PCDH11X: variants seen among roughly 807,000 people sequenced by gnomAD.
PCDH11X encodes the protein protocadherin 11 X-linked.
A neutral mutation model predicts 53.3 loss-of-function variants in PCDH11X; 18 were observed. That is an observed-to-expected ratio of 0.34 (90% CI 0.23 to 0.50). PCDH11X has a LOEUF of 0.50. Ranked by LOEUF, PCDH11X falls within the 20% of genes least tolerant of loss-of-function variation. The pLI, the probability that PCDH11X is intolerant of heterozygous loss-of-function variation, is 0.98. For synonymous variants in PCDH11X, 279 were observed against 393.3 expected (o/e 0.71, Z 3.44); for missense variants, 570 against 1,032.4 (o/e 0.55, Z 6.14).
At chrX:92,160,846 G>T (rs1355500583) in intron 6 of PCDH11X, among the ~76,000 whole-genome samples, 4 of 109,402 alleles carry the variant, frequency 3.7e-5, no homozygotes, top group East Asian at 2.9e-4. Context: ...ATTATTTTTT[G>T]ATTTTTTAAT....
At chrX:91,969,658 C>T (rs771100715) in intron 6 of PCDH11X, among the ~76,000 whole-genome samples, 4 of 108,105 alleles carry the variant, frequency 3.7e-5, no homozygotes, top group Non-Finnish European at 5.7e-5. Context: ...ATTACCAGGG[C>T]GTGGTGGTAT....
At chrX:91,930,317 T>A (rs1942083908) in intron 6 of PCDH11X, among the ~76,000 whole-genome samples, 1 of 109,380 alleles carries the variant, frequency 9.1e-6, no homozygotes, top group Non-Finnish European at 1.9e-5. Flanking sequence ...TGTGCATGTA[T>A]GTCTGTGTGC....
intron 9 of PCDH11X, among the ~76,000 whole-genome samples, chrX:92,431,276 G>A (rs1457693795): frequency 9.1e-6 from 1 of 110,167 alleles, no homozygotes; most frequent in Admixed American, 9.7e-5. Context: ...TTTGTAGACA[G>A]GAACTTTCCA....
chrX:92,456,241 T>G (rs921536961), intron 9 of PCDH11X, among the ~76,000 whole-genome samples: 1 of 111,821 alleles, frequency 8.9e-6, no homozygotes, highest in African/African-American at 3.2e-5. Flanking sequence ...ATATCTTAGC[T>G]AGTCATGGTT....
intron 6 of PCDH11X, among the ~76,000 whole-genome samples, chrX:91,921,473 C>T (rs1941736029): frequency 2.8e-5 from 3 of 107,172 alleles, no homozygotes; most frequent in African/African-American, 1.0e-4. Context: ...CCCTCCTTCC[C>T]CTATTCCACA....
chrX:92,298,900 T>A (rs1837642381), intron 8 of PCDH11X, among the ~76,000 whole-genome samples: 1 of 111,923 alleles, frequency 8.9e-6, no homozygotes, highest in African/African-American at 3.2e-5. Context: ...CTAAGCTATG[T>A]GTCTACATCT....
intron 10 of PCDH11X, among the ~76,000 whole-genome samples, chrX:92,528,562 G>A (rs1205578400): frequency 1.8e-5 from 2 of 111,729 alleles, no homozygotes; most frequent in African/African-American, 6.5e-5. Context: ...CAAAAGTGCT[G>A]GGATTACAGG....
At chrX:91,816,540 A>T (rs889261569) in intron 4 of PCDH11X, among the ~76,000 whole-genome samples, 4 of 111,442 alleles carry the variant, frequency 3.6e-5, no homozygotes, top group Admixed American at 1.9e-4. Flanking sequence ...ATATATGATA[A>T]TACGAAAAGT....
chrX:92,501,820 A>C (rs1310102532), intron 10 of PCDH11X, among the ~76,000 whole-genome samples: 2 of 111,368 alleles, frequency 1.8e-5, no homozygotes, highest in African/African-American at 3.3e-5. Flanking sequence ...CAAGGCAAGG[A>C]TGCCCTGTCA....
intron 6 of PCDH11X, among the ~76,000 whole-genome samples, chrX:92,078,067 A>T (rs1342090414): frequency 9.1e-6 from 1 of 109,828 alleles, no homozygotes; most frequent in African/African-American, 3.3e-5. Context: ...CTGTGGACTC[A>T]ATAGACTATT....
intron 6 of PCDH11X, among the ~76,000 whole-genome samples, chrX:91,940,538 T>A (rs1244115211): frequency 9.0e-6 from 1 of 110,513 alleles, no homozygotes; most frequent in Non-Finnish European, 1.9e-5. Flanking sequence ...CATATATATG[T>A]ATTGTTTTTG....
chrX:91,875,994 A>G (rs1196948192), intron 5 of PCDH11X, among the ~76,000 whole-genome samples: 8 of 111,766 alleles, frequency 7.2e-5, no homozygotes, highest in Non-Finnish European at 1.5e-4. Context: ...CTACAGTAAA[A>G]AATATTTTAA....
intron 10 of PCDH11X, among the ~76,000 whole-genome samples, chrX:92,534,640 A>G (rs1029438544): frequency 9.0e-6 from 1 of 111,541 alleles, no homozygotes; most frequent in African/African-American, 3.3e-5. Flanking sequence ...AAAAAATGTT[A>G]AGGCAGCCAG....
intron 9 of PCDH11X, among the ~76,000 whole-genome samples, chrX:92,395,484 T>C (rs1469054481): frequency 1.8e-5 from 2 of 111,451 alleles, no homozygotes; most frequent in Non-Finnish European, 3.8e-5. Context: ...ATTAACTAGC[T>C]CTGTGAACTT....
At chrX:92,514,758 A>T in intron 10 of PCDH11X, among the ~76,000 whole-genome samples, 1 of 104,384 alleles carries the variant, frequency 9.6e-6, no homozygotes, top group African/African-American at 3.6e-5. Context: ...ATTAAAAATT[A>T]ATCACCCGGC....
rs184181493 is a variant in PCDH11X at position 92,444,548 on chromosome X, G to A, written c.3344-23751G>A. Among the ~76,000 whole-genome samples the A allele has an allele frequency of 1.8e-3, 192 of 108,838 alleles. 1 individual carries two copies. The highest frequency in any genetic ancestry group is 6.0e-3 in the African/African-American group (181 of 29,919). The allele number at this position is 108,838 out of a possible 115,157, so 94.5% of individuals were successfully genotyped here. ...TTTTGTTTCTTTCCCTTTCCTGATTGCTCTGGCTAGCTCTTCTGATACTAT... is the reference window on the plus strand; with the variant it reads ...TTTTGTTTCTTTCCCTTTCCTGATTACTCTGGCTAGCTCTTCTGATACTAT... On this transcript the variant is annotated intron_variant, in intron 9 of 10. Transcript: ENST00000682573.
At chrX:92,514,525 T>C (rs1167237467) in intron 10 of PCDH11X, among the ~76,000 whole-genome samples, 1 of 105,055 alleles carries the variant, frequency 9.5e-6, no homozygotes, top group Non-Finnish European at 1.9e-5. Context: ...AGGCCAGGAG[T>C]TCGAGACCAG....
At chrX:91,896,245 C>T (rs1037708018) in intron 6 of PCDH11X, among the ~76,000 whole-genome samples, 7 of 110,286 alleles carry the variant, frequency 6.3e-5, no homozygotes, top group African/African-American at 2.0e-4. Context: ...CCACTTCAGC[C>T]TCCCGAGTAG....
intron 9 of PCDH11X, among the ~76,000 whole-genome samples, chrX:92,464,347 G>A (rs1285839569): frequency 2.7e-5 from 3 of 110,617 alleles, no homozygotes; most frequent in Non-Finnish European, 5.7e-5. Context: ...TTGAATCATG[G>A]GGACAGTTAC....
Sources: allele counts gnomAD v4.1 joint callset (sites outside exome capture counted in the v4.1 genomes callset), GRCh38; gene constraint gnomAD v4.1.1; transcripts MANE v1.5; gene names NCBI Gene and HGNC (gene_info 2026-07-23, HGNC 2026-07-21).